ZFHX3: variants seen among roughly 807,000 people sequenced by gnomAD.
The protein encoded by ZFHX3 is zinc finger homeobox 3, also known as zinc finger homeobox protein 3.
ZFHX3 carries 42 observed loss-of-function variants against 279.1 expected under a neutral mutation model. The observed-to-expected ratio is 0.15, with a 90% confidence interval of 0.12 to 0.19. The LOEUF (loss-of-function observed/expected upper bound fraction) is 0.19, where lower values mean the gene tolerates loss of function less well. Ranked by LOEUF, ZFHX3 falls within the 10% of genes least tolerant of loss-of-function variation. The pLI, the probability that ZFHX3 is intolerant of heterozygous loss-of-function variation, is 1.00. For missense variants in ZFHX3, 4,981 were observed against 4,754.0 expected (o/e 1.05, Z -1.40); for synonymous variants, 2,293 against 1,957.8 (o/e 1.17, Z -4.52).
intron 3 of ZFHX3, among the ~76,000 whole-genome samples, chr16:73,324,878 G>C (rs529130184): frequency 6.6e-6 from 1 of 152,228 alleles, no homozygotes; most frequent in South Asian, 2.1e-4. Context: ...TCTCAGCCTC[G>C]GTTTTGTGAC....
chr16:73,873,660 G>C (rs1028730729), intron 1 of ZFHX3, among the ~76,000 whole-genome samples: 2 of 152,064 alleles, frequency 1.3e-5, no homozygotes, highest in African/African-American at 4.8e-5. Flanking sequence ...ACAAACCTAA[G>C]GAATGTTGAA....
intron 4 of ZFHX3, among the ~76,000 whole-genome samples, chr16:73,298,700 G>A (rs1232088990): frequency 1.3e-5 from 2 of 152,132 alleles, no homozygotes; most frequent in African/African-American, 4.8e-5. Flanking sequence ...GAACTGATGG[G>A]CTTTTACTGA....
At chr16:73,890,583 G>T (rs534336495) in intron 1 of ZFHX3, among the ~76,000 whole-genome samples, 5 of 151,994 alleles carry the variant, frequency 3.3e-5, no homozygotes, top group Non-Finnish European at 5.9e-5. Context: ...TTTTTAATCT[G>T]GTCCCTTCTT....
intron 2 of ZFHX3, among the ~76,000 whole-genome samples, chr16:73,612,917 G>T: frequency 6.6e-6 from 1 of 151,906 alleles, no homozygotes; most frequent in Non-Finnish European, 1.5e-5. Context: ...TAGGGATTTA[G>T]GATGGTTAAA....
intron 7 of ZFHX3, among the ~76,000 whole-genome samples, chr16:73,122,637 C>T (rs1031865201): frequency 3.9e-5 from 6 of 152,164 alleles, no homozygotes; most frequent in African/African-American, 1.4e-4. Context: ...TCCCTGTAGA[C>T]AAACTGTCCA....
At chr16:73,620,349 T>C (rs1219024004) in intron 2 of ZFHX3, among the ~76,000 whole-genome samples, 2 of 152,234 alleles carry the variant, frequency 1.3e-5, no homozygotes, top group African/African-American at 4.8e-5. Flanking sequence ...AATATTGTTC[T>C]TATGGCAATA....
chr16:73,151,879 C>CAA (rs58576284), intron 5 of ZFHX3, among the ~76,000 whole-genome samples: 21 of 120,624 alleles, frequency 1.7e-4, no homozygotes, highest in African/African-American at 6.1e-4. Context: ...ATGCAAAAAA[C>CAA]AAAAAAAAAA....
intron 1 of ZFHX3, among the ~76,000 whole-genome samples, chr16:73,755,214 G>C (rs188828690): frequency 6.6e-5 from 10 of 152,172 alleles, no homozygotes; most frequent in Admixed American, 1.3e-4. Context: ...AAGATCCTTT[G>C]TTATCTCCTG....
intron 3 of ZFHX3, among the ~76,000 whole-genome samples, chr16:73,356,699 A>G (rs73589343): frequency 0.015 from 2,260 of 152,206 alleles, 75 homozygotes; most frequent in African/African-American, 0.051. Context: ...CATGGGGATT[A>G]AGTAGACTAA....
intron 1 of ZFHX3, among the ~76,000 whole-genome samples, chr16:73,859,270 G>A (rs1400721273): frequency 1.3e-5 from 2 of 152,116 alleles, no homozygotes; most frequent in African/African-American, 2.4e-5. Flanking sequence ...AAAGAACATC[G>A]CTAAATTTAA....
chr16:73,777,084 G>A (rs754836938), intron 1 of ZFHX3, among the ~76,000 whole-genome samples: 12 of 152,052 alleles, frequency 7.9e-5, no homozygotes, highest in Non-Finnish European at 1.8e-4. Flanking sequence ...TTGTAAGAAG[G>A]AACACACACC....
intron 1 of ZFHX3, among the ~76,000 whole-genome samples, chr16:73,714,729 G>C (rs1326696219): frequency 1.3e-5 from 2 of 152,040 alleles, no homozygotes; most frequent in Non-Finnish European, 2.9e-5. Context: ...GATTATTTTT[G>C]ATGTTTTCCA....
chr16:73,848,579 T>C (rs1179274967), intron 1 of ZFHX3, among the ~76,000 whole-genome samples: 1 of 152,234 alleles, frequency 6.6e-6, no homozygotes, highest in Non-Finnish European at 1.5e-5. Flanking sequence ...CTGGAATTCA[T>C]TGTGAAGTTC....
chr16:73,686,513 T>G (rs1376935370), intron 1 of ZFHX3, among the ~76,000 whole-genome samples: 1 of 152,204 alleles, frequency 6.6e-6, no homozygotes, highest in African/African-American at 2.4e-5. Context: ...CAACTGACCC[T>G]TCGGGAATTC....
At position 73,878,130 on chromosome 16, in the gene ZFHX3, C is replaced by T. The variant is rs114847854; in HGVS notation, c.-1608+13521G>A. Among the ~76,000 whole-genome samples the T allele has an allele frequency of 5.7e-3, 874 of 152,072 alleles. 5 individuals carry two copies. Among genetic ancestry groups the T allele is most frequent in the African/African-American group, 0.02 (810 of 41,506 alleles). ...AAATAATAGTAATAATAATAAAATA[C>T]ATATTGGCACCTTTTTCTAACATCA... On this transcript the variant is annotated intron_variant, in intron 1 of 17. Transcript: ENST00000641206.
chr16:73,425,450 C>T (rs557054105), intron 3 of ZFHX3, among the ~76,000 whole-genome samples: 16 of 152,276 alleles, frequency 1.1e-4, no homozygotes, highest in Non-Finnish European at 1.9e-4. Flanking sequence ...ATTCTAAGGG[C>T]ATGAAACCTA....
intron 3 of ZFHX3, among the ~76,000 whole-genome samples, chr16:73,449,019 G>T (rs531874571): frequency 7.4e-4 from 113 of 152,166 alleles, no homozygotes; most frequent in African/African-American, 2.7e-3. Context: ...GTCTAGTCAG[G>T]TTCATGTTTG....
chr16:73,413,921 C>T (rs1021050743), intron 3 of ZFHX3, among the ~76,000 whole-genome samples: 1 of 152,186 alleles, frequency 6.6e-6, no homozygotes, highest in Non-Finnish European at 1.5e-5. Flanking sequence ...ATGAAGGATA[C>T]TTTAAGAAAA....
chr16:73,277,963 A>C (rs12932552), intron 4 of ZFHX3, among the ~76,000 whole-genome samples: 152,194 of 152,194 alleles, frequency 1, 76,097 homozygotes, highest in Non-Finnish European at 1. Flanking sequence ...AATTCACTTA[A>C]TACCTCAATG....
Sources: allele counts gnomAD v4.1 joint callset (sites outside exome capture counted in the v4.1 genomes callset), GRCh38; gene constraint gnomAD v4.1.1; transcripts MANE v1.5; gene names NCBI Gene and HGNC (gene_info 2026-07-23, HGNC 2026-07-21).